Variants in SBF2 observed in about 807,000 individuals in gnomAD.
The protein encoded by SBF2 is myotubularin-related protein 13.
Under a neutral mutation model 225.2 loss-of-function variants are expected in SBF2, and 112 were observed. The observed-to-expected ratio is 0.50, with a 90% CI of 0.43 to 0.58. The LOEUF (loss-of-function observed/expected upper bound fraction) is 0.58, where lower values mean the gene tolerates loss of function less well. Ranked by LOEUF, SBF2 falls within the 20% of genes least tolerant of loss-of-function variation. The pLI is 0.00. For synonymous variants in SBF2, 763 were observed against 773.3 expected (o/e 0.99, Z 0.22); for missense variants, 1,996 against 2,206.2 (o/e 0.90, Z 1.91).
chr11:10,299,883 C>T (rs563567130), intron 1 of SBF2, among the ~76,000 whole-genome samples: 1 of 152,346 alleles, frequency 6.6e-6, no homozygotes, highest in African/African-American at 2.4e-5. Context: ...CTCCTGTCTT[C>T]AAACCTGTCA....
intron 2 of SBF2, among the ~76,000 whole-genome samples, chr11:10,086,442 A>C (rs2134891482): frequency 6.6e-6 from 1 of 152,338 alleles, no homozygotes; most frequent in East Asian, 1.9e-4. Context: ...GGTCCTCTGC[A>C]GTAGATAATA....
intron 6 of SBF2, among the ~76,000 whole-genome samples, chr11:10,025,005 T>G (rs1042792619): frequency 3.3e-5 from 5 of 152,224 alleles, no homozygotes; most frequent in African/African-American, 7.2e-5. Context: ...ATAGTTATTT[T>G]AATAACTGCA....
At chr11:10,171,549 T>C (rs1248961074) in intron 2 of SBF2, among the ~76,000 whole-genome samples, 2 of 152,218 alleles carry the variant, frequency 1.3e-5, no homozygotes, top group Non-Finnish European at 2.9e-5. Flanking sequence ...TAAGATTTTA[T>C]TGAGGATTTT....
At chr11:10,201,241 T>C (rs1175315427) in intron 1 of SBF2, among the ~76,000 whole-genome samples, 2 of 151,994 alleles carry the variant, frequency 1.3e-5, no homozygotes, top group Admixed American at 1.3e-4. Context: ...CATATTCAAC[T>C]TGCAAGTTCC....
chr11:10,139,707 T>C (rs894320472), intron 2 of SBF2, among the ~76,000 whole-genome samples: 1 of 152,348 alleles, frequency 6.6e-6, no homozygotes. Flanking sequence ...AAAAGGATGG[T>C]GTTAAGTAAT....
At chr11:9,995,861 T>C (rs1183427821) in intron 9 of SBF2, among the ~76,000 whole-genome samples, 1 of 148,068 alleles carries the variant, frequency 6.8e-6, no homozygotes, top group Non-Finnish European at 1.5e-5. Flanking sequence ...GGTTTCACCA[T>C]GTTGGTCAGG....
chr11:9,830,815 T>A (rs1855353684), intron 27 of SBF2, among the ~76,000 whole-genome samples: 1 of 150,840 alleles, frequency 6.6e-6, no homozygotes, highest in Non-Finnish European at 1.5e-5. Flanking sequence ...ATATTAGTTG[T>A]GAGTAAATGT....
At chr11:10,182,238 G>A (rs1956765070) in intron 2 of SBF2, among the ~76,000 whole-genome samples, 1 of 152,134 alleles carries the variant, frequency 6.6e-6, no homozygotes, top group Non-Finnish European at 1.5e-5. Context: ...AAATGGGGGG[G>A]TAGGTAATAT....
intron 2 of SBF2, among the ~76,000 whole-genome samples, chr11:10,081,630 C>A (rs576783317): frequency 6.6e-6 from 1 of 151,706 alleles, no homozygotes; most frequent in South Asian, 2.1e-4. Flanking sequence ...CGTGGTGACA[C>A]GCGCCTGTAG....
chr11:9,959,648 C>T (rs1290986781), intron 16 of SBF2: 1 of 749,276 alleles, frequency 1.3e-6, no homozygotes, highest in African/African-American at 1.7e-5. Flanking sequence ...CTTCCACACG[C>T]TTGGGTTCAC....
intron 1 of SBF2, among the ~76,000 whole-genome samples, chr11:10,230,294 C>A (rs7928530): frequency 0.17 from 26,392 of 152,030 alleles, 2,484 homozygotes; most frequent in Middle Eastern, 0.24. Context: ...TTAATTGGAG[C>A]ATTTAGACCA....
intron 2 of SBF2, among the ~76,000 whole-genome samples, chr11:10,152,160 T>C (rs1955229449): frequency 6.6e-6 from 1 of 152,196 alleles, no homozygotes; most frequent in Non-Finnish European, 1.5e-5. Flanking sequence ...TGATTTTGAA[T>C]CCAATTTATC....
chr11:9,812,293 G>C (rs537893186), intron 30 of SBF2, among the ~76,000 whole-genome samples: 1 of 152,182 alleles, frequency 6.6e-6, no homozygotes, highest in East Asian at 1.9e-4. Flanking sequence ...GTGTCCTATA[G>C]ATACCAAACT....
At chr11:9,886,751 A>G (rs16907215) in intron 17 of SBF2, among the ~76,000 whole-genome samples, 9,181 of 130,742 alleles carry the variant, frequency 0.07, 467 homozygotes, top group East Asian at 0.29. Flanking sequence ...CCCACTCTTT[A>G]TCTCATTCCC....
Position 9,782,856 on chromosome 11 carries a change from C to T in SBF2, c.5320-1218G>A, listed in dbSNP as rs1487880438. On this transcript the variant is annotated intron_variant, in intron 38 of 39. Coordinates refer to ENST00000256190, the MANE Select transcript of SBF2 (RefSeq NM_030962.4). The stretch of plus-strand genomic sequence containing the variant: ...CTGCACTCCAGCCTGGGTGACAAAG[C>T]GAGACTCTGTCTCAAAAGAAAAAAA... Among the ~76,000 whole-genome samples the T allele has an allele frequency of 3.5e-5, 5 of 142,478 alleles. No homozygotes were observed. The East Asian group carries it at 8.1e-4, about 23-fold the overall frequency. The allele number at this position is 142,478 out of a possible 152,430, so 93.5% of individuals were successfully genotyped here.
chr11:10,205,430 TG>T (rs1345133519), intron 1 of SBF2, among the ~76,000 whole-genome samples: 1 of 151,650 alleles, frequency 6.6e-6, no homozygotes, highest in Non-Finnish European at 1.5e-5. Flanking sequence ...CTCTGAAAGG[TG>T]GTAAGAGGAA....
chr11:9,885,684 A>AT (rs201124538), intron 17 of SBF2, among the ~76,000 whole-genome samples: 2 of 151,502 alleles, frequency 1.3e-5, no homozygotes, highest in African/African-American at 2.4e-5. Context: ...GAAGAAATCT[A>AT]TTTTTTTTCT....
Position 9,812,646 on chromosome 11 carries a change from C to T in SBF2, c.4041G>A (p.Arg1347=). 1 of 1,614,150 alleles carries T rather than the reference C, an allele frequency of 6.2e-7. No homozygotes were observed. Among genetic ancestry groups the T allele is most frequent in the South Asian group, 1.1e-5 (1 of 91,084 alleles). The part of the protein sequence containing the change: ...EFVPVEFHEI[R]QVKASFKKLM... ...GCTTCTTAAAACTGGCTTTCACTTG[C>T]CGGATTTCATGAAATTCAACAGGAA... The change falls in exon 30 of 40, where the codon CGG becomes CGA. Residue 1347 remains arginine (R), a synonymous_variant. Transcript: ENST00000256190.
rs866018517 is a variant in SBF2, at chr11:10,153,046, A to T, written c.141+40856T>A. Among the ~76,000 whole-genome samples the T allele has an allele frequency of 2.5e-4, 38 of 152,338 alleles. No homozygotes were observed. In the Middle Eastern group the frequency reaches 0.031, roughly 123 times the overall value. The stretch of plus-strand genomic sequence containing the variant: ...TAACTTATAGGCAAATAATGAAAGC[A>T]TTTTCTACAATGATAAAGAGGATTC... On this transcript the variant is annotated intron_variant, in intron 2 of 39. Transcript: ENST00000256190.
Sources: gnomAD v4.1 joint callset for allele counts (sites outside exome capture counted in the v4.1 genomes callset) on GRCh38, gnomAD v4.1.1 for gene constraint, MANE v1.5 for transcripts, NCBI Gene and HGNC (gene_info 2026-07-23, HGNC 2026-07-21) for gene names.